ATE1: variants seen among roughly 807,000 people sequenced by gnomAD.
The protein encoded by ATE1 is arginyltransferase 1.
A neutral mutation model predicts 70.5 loss-of-function variants in ATE1; 36 were observed. The ratio of observed to expected loss-of-function variants is 0.51; its 90% CI spans 0.39 to 0.67. ATE1 has a LOEUF of 0.67. Ranked by LOEUF, ATE1 falls within the 30% of genes least tolerant of loss-of-function variation. ATE1 has a pLI of 0.00. For missense variants in ATE1, 593 were observed against 629.5 expected (o/e 0.94, Z 0.62); for synonymous variants, 232 against 219.3 (o/e 1.06, Z -0.51).
intron 11 of ATE1, among the ~76,000 whole-genome samples, chr10:121,758,323 G>A (rs1026700809): frequency 2.0e-5 from 3 of 152,136 alleles, no homozygotes; most frequent in Admixed American, 2.0e-4. Flanking sequence ...AGGTCACAAA[G>A]CCAAATTCCC....
chr10:121,803,106 T>C (rs187416403), intron 10 of ATE1, among the ~76,000 whole-genome samples: 1 of 152,272 alleles, frequency 6.6e-6, no homozygotes, highest in Admixed American at 6.5e-5. Context: ...TTTCTCTTAT[T>C]TTTACATCAC....
chr10:121,846,372 AC>A (rs1298543328), intron 8 of ATE1, among the ~76,000 whole-genome samples: 1 of 152,220 alleles, frequency 6.6e-6, no homozygotes, highest in East Asian at 1.9e-4. Flanking sequence ...AGAATTCCAG[AC>A]AGTTTATGTA....
In ATE1 at chr10:121,881,478, G is replaced by A. The variant is rs991278142; in HGVS notation, c.943-11440C>T. On this transcript the variant is annotated intron_variant, in intron 7 of 11. Transcript: ENST00000224652. ...TCCTTTGTCTCCAGTTCTAGGTAAAGCAATTAAGAAATACACGTATTTTAA... is the reference window on the plus strand; with the variant it reads ...TCCTTTGTCTCCAGTTCTAGGTAAAACAATTAAGAAATACACGTATTTTAA... Among the ~76,000 whole-genome samples the A allele has an allele frequency of 5.9e-5, 9 of 152,026 alleles. No homozygotes were observed. In the East Asian group the frequency reaches 1.7e-3, roughly 29 times the overall value.
At chr10:121,910,861 A>C in intron 5 of ATE1, 45 bp downstream of exon 5, 1 of 1,611,476 alleles carries the variant, frequency 6.2e-7, no homozygotes, top group Non-Finnish European at 8.5e-7. Context: ...GACTCAGCAA[A>C]AAGCAAAGCC....
At chr10:121,800,496 A>C (rs1946834983) in intron 10 of ATE1, among the ~76,000 whole-genome samples, 1 of 152,226 alleles carries the variant, frequency 6.6e-6, no homozygotes, top group South Asian at 2.1e-4. Context: ...CACTCTCAAG[A>C]ATACTTTATA....
At chr10:121,812,194 G>A (rs1038745014) in intron 10 of ATE1, among the ~76,000 whole-genome samples, 3 of 151,918 alleles carry the variant, frequency 2.0e-5, no homozygotes, top group East Asian at 3.9e-4. Context: ...AAGCTCAGGC[G>A]ATCCACCTGC....
intron 7 of ATE1, among the ~76,000 whole-genome samples, chr10:121,875,002 A>AG (rs1458883496): frequency 9.1e-5 from 4 of 43,726 alleles, no homozygotes; most frequent in Non-Finnish European, 2.0e-4. Flanking sequence ...AAAATACAAA[A>AG]ATTAGCCGGG....
At chr10:121,808,650 G>C (rs1023305891) in intron 10 of ATE1, among the ~76,000 whole-genome samples, 2 of 152,102 alleles carry the variant, frequency 1.3e-5, no homozygotes, top group Non-Finnish European at 2.9e-5. Context: ...ATAATTTATA[G>C]CAAAAGCCAC....
At chr10:121,905,202 T>C (rs1951142096) in intron 5 of ATE1, among the ~76,000 whole-genome samples, 2 of 152,208 alleles carry the variant, frequency 1.3e-5, no homozygotes, top group Admixed American at 1.3e-4. Flanking sequence ...TTAATACCTG[T>C]GCAGCTCATA....
Position 121,910,945 on chromosome 10 carries a change from G to A in ATE1, c.544C>T (p.Pro182Ser). The A allele has an allele frequency of 6.2e-7, 1 of 1,613,772 alleles. No homozygotes were observed. Among genetic ancestry groups the A allele is most frequent in the Non-Finnish European group, 8.5e-7 (1 of 1,179,990 alleles). The change falls in exon 5 of 12, where the codon CCG becomes TCG. Residue 182 changes from proline (P) to serine (S), a missense_variant. Coordinates refer to ENST00000224652, the MANE Select transcript of ATE1 (RefSeq NM_001001976.3). ...FVGEKLGSGEPSHSVKVHTVP... is the reference protein window; with the variant it reads ...FVGEKLGSGESSHSVKVHTVP... ...GTGTGAACTTTAACTGAATGTGACG[G>A]TTCACCAGAGCCCAACTTCTCTCCT...
intron 11 of ATE1, among the ~76,000 whole-genome samples, chr10:121,779,112 G>A (rs896878317): frequency 6.6e-6 from 1 of 152,086 alleles, no homozygotes; most frequent in African/African-American, 2.4e-5. Flanking sequence ...AGTTCTCATA[G>A]AGACCTCCAA....
chr10:121,821,699 G>T (rs953783274), intron 10 of ATE1, among the ~76,000 whole-genome samples: 1 of 152,178 alleles, frequency 6.6e-6, no homozygotes, highest in Admixed American at 6.5e-5. Flanking sequence ...TGGCCAATAT[G>T]GGGGAACCCC....
At chr10:121,923,373 G>A (rs949096121) in intron 2 of ATE1, among the ~76,000 whole-genome samples, 12 of 152,208 alleles carry the variant, frequency 7.9e-5, no homozygotes, top group Admixed American at 2.0e-4. Context: ...GCTGAGGCAA[G>A]AGGATCACTT....
intron 10 of ATE1, among the ~76,000 whole-genome samples, chr10:121,824,710 T>C (rs747163654): frequency 6.6e-6 from 1 of 152,220 alleles, no homozygotes; most frequent in Non-Finnish European, 1.5e-5. Flanking sequence ...TTGGACAGCA[T>C]ACATGTCTGT....
In ATE1 at chr10:121,743,417, G is replaced by A. The variant is rs1219497; in HGVS notation, c.*263C>T. On this transcript the variant is annotated 3_prime_UTR_variant, in exon 12 of 12. Transcript: ENST00000224652. ...AAAATACAAACAGGAGAATTTGAGC[G>A]TATCTTGCTCTAGAAAGAATCCTCC... The A allele has an allele frequency of 0.98, 436,740 of 443,526 alleles. 215,308 individuals are homozygous for A. The highest frequency in any genetic ancestry group is 1 in the East Asian group (17,778 of 17,778). The allele number at this position is 443,526 out of a possible 1,614,324, so 27.5% of individuals were successfully genotyped here. A position where few individuals can be genotyped will look rare whatever the true frequency, so the allele number is the denominator to read the frequency against.
chr10:121,869,938 TA>T, intron 8 of ATE1, 67 bp downstream of exon 8: 1 of 1,408,204 alleles, frequency 7.1e-7, no homozygotes. Context: ...AATAAATGCC[TA>T]ATGAAAGATA....
At chr10:121,851,694 T>G (rs1007951777) in intron 8 of ATE1, among the ~76,000 whole-genome samples, 1 of 152,276 alleles carries the variant, frequency 6.6e-6, no homozygotes, top group Non-Finnish European at 1.5e-5. Context: ...ATCTGTCATG[T>G]GACTAGCAAA....
At chr10:121,794,622 A>AGG (rs1946582804) in intron 10 of ATE1, among the ~76,000 whole-genome samples, 1 of 21,182 alleles carries the variant, frequency 4.7e-5, no homozygotes, top group Non-Finnish European at 9.8e-5. Context: ...AAAAAAAAAA[A>AGG]AAAAAAAAAA....
intron 11 of ATE1, among the ~76,000 whole-genome samples, chr10:121,770,722 T>C (rs1172983208): frequency 1.6e-4 from 19 of 115,280 alleles, no homozygotes; most frequent in Non-Finnish European, 3.0e-4. Flanking sequence ...ATTTATAAGA[T>C]ATTTCCTTAA....
Sources: gnomAD v4.1 joint callset for allele counts (sites outside exome capture counted in the v4.1 genomes callset) on GRCh38, gnomAD v4.1.1 for gene constraint, MANE v1.5 for transcripts, NCBI Gene and HGNC (gene_info 2026-07-23, HGNC 2026-07-21) for gene names.